ANKMY2: variants seen among roughly 807,000 people sequenced by gnomAD.
The protein encoded by ANKMY2 is ankyrin repeat and MYND domain-containing protein 2.
Under a neutral mutation model 50.4 loss-of-function variants are expected in ANKMY2, and 36 were observed. The ratio of observed to expected loss-of-function variants is 0.71; its 90% CI spans 0.55 to 0.94. ANKMY2 has a LOEUF of 0.94. Among genes scored for constraint, ANKMY2 ranks in the 40% least tolerant of loss-of-function variants. The pLI is 0.00. For synonymous variants in ANKMY2, 187 were observed against 178.8 expected, an observed-to-expected ratio of 1.05 and a Z score of -0.36; for missense variants, 565 against 524.0, an observed-to-expected ratio of 1.08 and a Z score of -0.76.
chr7:16,601,639 A>C (rs1312464081), intron 9 of ANKMY2, among the ~76,000 whole-genome samples: 1 of 152,246 alleles, frequency 6.6e-6, no homozygotes, highest in East Asian at 1.9e-4. Context: ...AGTAAAGCGG[A>C]TATGGTTCCT....
At chr7:16,633,931 G>A (rs1228689868) in intron 2 of ANKMY2, among the ~76,000 whole-genome samples, 1 of 151,872 alleles carries the variant, frequency 6.6e-6, no homozygotes, top group Admixed American at 6.6e-5. Flanking sequence ...AAGGCTTAAG[G>A]CTATTATGTT....
chr7:16,642,595 A>C (rs1410601087), intron 1 of ANKMY2, among the ~76,000 whole-genome samples: 1 of 152,062 alleles, frequency 6.6e-6, no homozygotes, highest in Non-Finnish European at 1.5e-5. Flanking sequence ...TGTTAGTTCA[A>C]AGTACTAGAA....
intron 2 of ANKMY2, among the ~76,000 whole-genome samples, chr7:16,628,767 C>T (rs1435982227): frequency 2.6e-5 from 4 of 151,954 alleles, no homozygotes; most frequent in Non-Finnish European, 1.5e-5. Flanking sequence ...ATTTTAGGAC[C>T]CCGACTTCAT....
intron 1 of ANKMY2, among the ~76,000 whole-genome samples, chr7:16,641,123 A>G (rs763975530): frequency 2.6e-5 from 4 of 152,108 alleles, no homozygotes; most frequent in Non-Finnish European, 5.9e-5. Flanking sequence ...AATCCCAGCT[A>G]CTCAGTAGGC....
At chr7:16,631,741 A>G (rs1348006256) in intron 2 of ANKMY2, among the ~76,000 whole-genome samples, 1 of 151,802 alleles carries the variant, frequency 6.6e-6, no homozygotes, top group Non-Finnish European at 1.5e-5. Flanking sequence ...CAGCCTCCCA[A>G]GTAGCTAGAA....
chr7:16,611,791 C>G (rs1456341001), intron 5 of ANKMY2, among the ~76,000 whole-genome samples: 1 of 152,206 alleles, frequency 6.6e-6, no homozygotes, highest in Non-Finnish European at 1.5e-5. Flanking sequence ...GTTTTCTACA[C>G]TGTTGTGCCC....
rs35547819 is a variant in ANKMY2, at chr7:16,641,241, GAC to G, written c.67+4264_67+4265del. 3.2e-3 allele frequency among the ~76,000 whole-genome samples: 486 copies of G among 150,262 alleles called. 5 individuals carry two copies. The highest frequency in any genetic ancestry group is 3.5e-3 in the Non-Finnish European group (239 of 67,444). ...AGGGTGAGACCCTGTCTCACACACAGACACACACACACACACACATAGTGGAG... is the reference window on the plus strand; with the variant it reads ...AGGGTGAGACCCTGTCTCACACACAGACACACACACACACACATAGTGGAG... On this transcript the variant is annotated intron_variant, in intron 1 of 9. Coordinates refer to ENST00000306999, the MANE Select transcript of ANKMY2 (RefSeq NM_020319.3).
intron 4 of ANKMY2, among the ~76,000 whole-genome samples, chr7:16,618,551 A>T (rs1338319324): frequency 6.6e-6 from 1 of 152,204 alleles, no homozygotes. Flanking sequence ...ATTAAGTACC[A>T]GAACACCCAA....
At chr7:16,614,631 GTC>G (rs1781311659) in intron 5 of ANKMY2, among the ~76,000 whole-genome samples, 1 of 152,230 alleles carries the variant, frequency 6.6e-6, no homozygotes, top group African/African-American at 2.4e-5. Context: ...TTGAGTGAGT[GTC>G]AGTCTTCAGA....
At chr7:16,611,526 A>C (rs963681596) in intron 5 of ANKMY2, among the ~76,000 whole-genome samples, 2 of 152,184 alleles carry the variant, frequency 1.3e-5, no homozygotes, top group Non-Finnish European at 2.9e-5. Flanking sequence ...GACTGCTGTA[A>C]ATATCCATGG....
chr7:16,638,175 A>G (rs1160693493), intron 1 of ANKMY2, among the ~76,000 whole-genome samples: 2 of 152,212 alleles, frequency 1.3e-5, no homozygotes, highest in Non-Finnish European at 2.9e-5. Context: ...TTGGACACCA[A>G]TGGGGTATCC....
chr7:16,643,034 G>A (rs578226546), intron 1 of ANKMY2, among the ~76,000 whole-genome samples: 82 of 152,284 alleles, frequency 5.4e-4, no homozygotes, highest in Non-Finnish European at 1.1e-3. Context: ...CCTATAAAGT[G>A]AAGATTACTA....
chr7:16,627,981 G>GTA, intron 2 of ANKMY2, among the ~76,000 whole-genome samples: 1 of 152,296 alleles, frequency 6.6e-6, no homozygotes, highest in African/African-American at 2.4e-5. Flanking sequence ...ATATGTGATT[G>GTA]TATATATATG....
chr7:16,611,420 TATGTATGCACA>T (rs1781247930), intron 5 of ANKMY2, among the ~76,000 whole-genome samples: 1 of 152,212 alleles, frequency 6.6e-6, no homozygotes, highest in Non-Finnish European at 1.5e-5. Flanking sequence ...CCACATTTCC[TATGTATGCACA>T]GATTATGCTC....
intron 2 of ANKMY2, among the ~76,000 whole-genome samples, chr7:16,634,518 T>G (rs1781630161): frequency 6.6e-6 from 1 of 152,170 alleles, no homozygotes; most frequent in Non-Finnish European, 1.5e-5. Context: ...AGAAGAGAGC[T>G]GCACAGAAAG....
At chr7:16,633,710 G>C (rs1005415425) in intron 2 of ANKMY2, among the ~76,000 whole-genome samples, 2 of 152,114 alleles carry the variant, frequency 1.3e-5, no homozygotes, top group Non-Finnish European at 2.9e-5. Flanking sequence ...AATGTTACAT[G>C]TAAAGAAGAT....
intron 7 of ANKMY2, among the ~76,000 whole-genome samples, chr7:16,606,376 C>T (rs1410836559): frequency 6.6e-6 from 1 of 151,872 alleles, no homozygotes; most frequent in African/African-American, 2.4e-5. Flanking sequence ...TTGCAGTAAG[C>T]CGAGATCGTG....
intron 6 of ANKMY2, 22 bp from the exon 7 acceptor site, chr7:16,609,787 G>C (rs186374318): frequency 6.2e-7 from 1 of 1,605,920 alleles, no homozygotes; most frequent in Non-Finnish European, 8.5e-7. Context: ...TTTTTAAAGC[G>C]TAATTGGAGT....
intron 3 of ANKMY2, among the ~76,000 whole-genome samples, chr7:16,625,821 TATA>T (rs1272525715): frequency 6.6e-6 from 1 of 152,306 alleles, no homozygotes; most frequent in African/African-American, 2.4e-5. Flanking sequence ...CATTTGCCAG[TATA>T]ATAAGCTAAA....
Sources: gnomAD v4.1 joint callset for allele counts (sites outside exome capture counted in the v4.1 genomes callset) on GRCh38, gnomAD v4.1.1 for gene constraint, MANE v1.5 for transcripts, NCBI Gene and HGNC (gene_info 2026-07-23, HGNC 2026-07-21) for gene names.